The following IMMP2L variants were observed in gnomAD, a reference collection of about 807,000 sequenced individuals.
The protein encoded by IMMP2L is mitochondrial inner membrane protease subunit 2.
A neutral mutation model predicts 19.3 loss-of-function variants in IMMP2L; 18 were observed. The observed-to-expected ratio is 0.93, with a 90% CI of 0.64 to 1.38. The LOEUF (loss-of-function observed/expected upper bound fraction) is 1.38. Ranked by LOEUF, IMMP2L falls within the 40% of genes most tolerant of loss-of-function variation. The pLI is 0.00. For missense variants in IMMP2L, 233 were observed against 218.2 expected, an observed-to-expected ratio of 1.07 and a Z score of -0.43; for synonymous variants, 76 against 73.0, an observed-to-expected ratio of 1.04 and a Z score of -0.21.
chr7:110,667,221 T>C (rs899210954), intron 5 of IMMP2L, among the ~76,000 whole-genome samples: 9 of 152,216 alleles, frequency 5.9e-5, no homozygotes, highest in Admixed American at 4.6e-4. Flanking sequence ...CCATTTGATA[T>C]AGAGGTAGGC....
At chr7:111,158,404 A>G (rs1045560858) in intron 3 of IMMP2L, among the ~76,000 whole-genome samples, 1 of 152,120 alleles carries the variant, frequency 6.6e-6, no homozygotes, top group Non-Finnish European at 1.5e-5. Flanking sequence ...GTATAATATA[A>G]TCCATTATAG....
chr7:110,686,880 T>C (rs560710449), intron 5 of IMMP2L, among the ~76,000 whole-genome samples: 17 of 152,198 alleles, frequency 1.1e-4, no homozygotes, highest in African/African-American at 3.6e-4. Context: ...TTCAATCAGA[T>C]CATTCCCACG....
intron 3 of IMMP2L, among the ~76,000 whole-genome samples, chr7:111,322,980 G>T (rs372305214): frequency 6.6e-6 from 1 of 151,056 alleles, no homozygotes; most frequent in African/African-American, 2.4e-5. Flanking sequence ...TGTTTTACAC[G>T]GACGGCTGCA....
At chr7:110,841,168 T>C (rs530952225) in intron 5 of IMMP2L, among the ~76,000 whole-genome samples, 49 of 152,160 alleles carry the variant, frequency 3.2e-4, no homozygotes, top group African/African-American at 1.2e-3. Flanking sequence ...CCTTTTTTCC[T>C]TTTTTATTGT....
intron 3 of IMMP2L, among the ~76,000 whole-genome samples, chr7:111,207,090 T>A (rs549786305): frequency 6.6e-6 from 1 of 152,198 alleles, no homozygotes; most frequent in Non-Finnish European, 1.5e-5. Flanking sequence ...TATTGTACAA[T>A]AGAAAATTTT....
chr7:110,949,626 G>T (rs114348592), intron 4 of IMMP2L, among the ~76,000 whole-genome samples: 3 of 152,074 alleles, frequency 2.0e-5, no homozygotes, highest in Admixed American at 6.6e-5. Flanking sequence ...TTGTTTTCAT[G>T]CTACAATATC....
intron 4 of IMMP2L, among the ~76,000 whole-genome samples, chr7:110,908,607 TACAAAAG>T (rs1230980997): frequency 6.6e-6 from 1 of 152,218 alleles, no homozygotes. Context: ...GTCTCTACTG[TACAAAAG>T]ACAAAAGACA....
chr7:111,430,240 C>A (rs908614834), intron 3 of IMMP2L, among the ~76,000 whole-genome samples: 2 of 151,576 alleles, frequency 1.3e-5, no homozygotes, highest in African/African-American at 4.9e-5. Context: ...TAAAGAAATA[C>A]GTTTGAATTT....
rs1331448490 is a variant in IMMP2L, at chr7:110,855,145, G to T, written c.408+31448C>A. 2.0e-5 allele frequency among the ~76,000 whole-genome samples: 3 copies of T among 151,822 alleles called. No homozygotes were observed. The East Asian group carries it at 5.8e-4, about 29-fold the overall frequency. ...GACCCAGGGCTGTGAAGAATCAAGG[G>T]AAAAGAAAATATATGGGGAAAAATT... On this transcript the variant is annotated intron_variant, in intron 5 of 5. Transcript: ENST00000405709.
intron 2 of IMMP2L, among the ~76,000 whole-genome samples, chr7:111,500,965 T>A (rs938243005): frequency 2.7e-4 from 41 of 152,298 alleles, no homozygotes; most frequent in Non-Finnish European, 4.7e-4. Context: ...GGAACAAAGC[T>A]GGACGGAGAA....
intron 3 of IMMP2L, among the ~76,000 whole-genome samples, chr7:110,981,474 G>C (rs1212780568): frequency 6.6e-6 from 1 of 150,988 alleles, no homozygotes; most frequent in Admixed American, 6.6e-5. Flanking sequence ...TATACTCCTG[G>C]AGCATGAAAA....
intron 3 of IMMP2L, among the ~76,000 whole-genome samples, chr7:111,240,749 C>A (rs1445487464): frequency 6.6e-6 from 1 of 151,778 alleles, no homozygotes; most frequent in Non-Finnish European, 1.5e-5. Flanking sequence ...GGTAGTCTGC[C>A]CAATTACCTT....
chr7:110,736,674 C>T (rs1337245669), intron 5 of IMMP2L, among the ~76,000 whole-genome samples: 1 of 152,194 alleles, frequency 6.6e-6, no homozygotes, highest in African/African-American at 2.4e-5. Context: ...TACTTGCCAC[C>T]TGTTTCCATT....
chr7:111,294,312 A>G (rs879402573), intron 3 of IMMP2L, among the ~76,000 whole-genome samples: 1 of 151,930 alleles, frequency 6.6e-6, no homozygotes, highest in Non-Finnish European at 1.5e-5. Flanking sequence ...CACCAGGAAC[A>G]TGGGCATAAA....
chr7:111,367,006 A>G (rs1478084121), intron 3 of IMMP2L, among the ~76,000 whole-genome samples: 1 of 151,890 alleles, frequency 6.6e-6, no homozygotes, highest in Non-Finnish European at 1.5e-5. Flanking sequence ...ATTTCCAAAT[A>G]CAAAGCTTGA....
chr7:110,734,620 G>T (rs1796492349), intron 5 of IMMP2L, among the ~76,000 whole-genome samples: 3 of 152,154 alleles, frequency 2.0e-5, no homozygotes, highest in African/African-American at 7.2e-5. Context: ...GTGGCCAAAT[G>T]ACCATTTAAT....
At chr7:110,949,058 C>T (rs1817532091) in intron 4 of IMMP2L, among the ~76,000 whole-genome samples, 1 of 152,310 alleles carries the variant, frequency 6.6e-6, no homozygotes, top group East Asian at 1.9e-4. Flanking sequence ...CCGTTGGCTT[C>T]CCTTGTTTTG....
intron 3 of IMMP2L, among the ~76,000 whole-genome samples, chr7:111,398,840 C>T (rs1333739379): frequency 6.8e-6 from 1 of 146,674 alleles, no homozygotes; most frequent in African/African-American, 2.5e-5. Context: ...AGTGACCAAG[C>T]AGAGAATCAA....
At chr7:110,668,812 AGAGT>A (rs570063500) in intron 5 of IMMP2L, among the ~76,000 whole-genome samples, 108 of 150,936 alleles carry the variant, frequency 7.2e-4, no homozygotes, top group African/African-American at 2.5e-3. Flanking sequence ...AGAGAGAGAG[AGAGT>A]GTCTGTTCAT....
Sources: gnomAD v4.1 joint callset for allele counts (sites outside exome capture counted in the v4.1 genomes callset) on GRCh38, gnomAD v4.1.1 for gene constraint, MANE v1.5 for transcripts, NCBI Gene and HGNC (gene_info 2026-07-23, HGNC 2026-07-21) for gene names.